MYOM1: variants seen among roughly 807,000 people sequenced by gnomAD.
MYOM1 encodes the protein myomesin 1.
Under a neutral mutation model 205.3 loss-of-function variants are expected in MYOM1, and 164 were observed. That is an observed-to-expected ratio of 0.80 (90% confidence interval 0.70 to 0.91). MYOM1 has a LOEUF of 0.91. MYOM1 is among the 40% of genes least tolerant of loss of function. MYOM1 has a pLI of 0.00. For synonymous variants in MYOM1, 772 were observed against 789.4 expected, an observed-to-expected ratio of 0.98 and a Z score of 0.37; for missense variants, 2,011 against 2,127.3, an observed-to-expected ratio of 0.95 and a Z score of 1.08.
Position 3,189,834 on chromosome 18 carries a change from G to T in MYOM1, c.432-747C>A, listed in dbSNP as rs2080880689. Among the ~76,000 whole-genome samples, 1 of 152,160 alleles carries T rather than the reference G, an allele frequency of 6.6e-6. No homozygotes were observed. The highest frequency in any genetic ancestry group is 6.5e-5 in the Admixed American group (1 of 15,278). The stretch of plus-strand genomic sequence containing the variant: ...TATATTGTCAAATGAGATCTAGTTT[G>T]TGTGCCTGTGACCCTGATACATGAG... On this transcript the variant is annotated intron_variant, in intron 3 of 37. Coordinates refer to ENST00000356443, the MANE Select transcript of MYOM1 (RefSeq NM_003803.4). This position sits in a 1 kb window ranked among gnomAD's most constrained non-coding sequence, Gnocchi z 4.8.
rs1373968733 is a variant in MYOM1, at chr18:3,129,415, T to C, written c.2611A>G (p.Lys871Glu). 2 of 1,613,986 alleles carry C rather than the reference T, an allele frequency of 1.2e-6. No homozygotes were observed. The highest frequency in any genetic ancestry group is 1.3e-5 in the African/African-American group (1 of 75,050). The change falls in exon 18 of 38, where the codon AAA (lysine) becomes GAA (glutamate). Residue 871 changes from lysine to glutamate, a missense_variant. Coordinates refer to ENST00000356443, the MANE Select transcript of MYOM1 (RefSeq NM_003803.4). ...VHEASPPTFQ[K>E]DALLGSKPNK... ...GGTTTGCTGCCAAGCAAAGCATCTT[T>C]CTGGAAGGTTGGCGGGGAGGCTTCA...
At chr18:3,147,596 A>G (rs1484527742) in intron 13 of MYOM1, among the ~76,000 whole-genome samples, 2 of 152,224 alleles carry the variant, frequency 1.3e-5, no homozygotes, top group Non-Finnish European at 1.5e-5. Flanking sequence ...TTATATATGA[A>G]AAAATGAAGC....
chr18:3,228,324 C>A, the MYOM1 span, among the ~76,000 whole-genome samples: 1 of 152,162 alleles, frequency 6.6e-6, no homozygotes, highest in Non-Finnish European at 1.5e-5. The surrounding 1 kb of genome is among the most constrained non-coding windows in gnomAD (Gnocchi z 4.5). Flanking sequence ...AGCGTGTCTG[C>A]CTTTTGCTGT....
intron 20 of MYOM1, among the ~76,000 whole-genome samples, chr18:3,118,182 A>T (rs541336157): frequency 6.6e-6 from 1 of 152,276 alleles, no homozygotes; most frequent in Admixed American, 6.5e-5. Context: ...AAACATTCTT[A>T]TTGCTTTCTT....
chr18:3,136,096 A>G (rs562179332), intron 14 of MYOM1, among the ~76,000 whole-genome samples: 7 of 146,230 alleles, frequency 4.8e-5, no homozygotes, highest in Admixed American at 3.4e-4. Context: ...TTTTATAAGG[A>G]GAAACCTCTT....
intron 8 of MYOM1, among the ~76,000 whole-genome samples, chr18:3,171,108 C>G (rs1235980219): frequency 1.3e-5 from 2 of 152,242 alleles, no homozygotes; most frequent in African/African-American, 4.8e-5. Flanking sequence ...GGCAAAATAA[C>G]TGACCACATT....
At chr18:3,211,739 C>T (rs780254786) in intron 2 of MYOM1, among the ~76,000 whole-genome samples, 4 of 152,192 alleles carry the variant, frequency 2.6e-5, no homozygotes, top group Admixed American at 1.3e-4. Flanking sequence ...CTGATCTGTA[C>T]TGCAAGCGCA....
At chr18:3,076,833 C>A (rs1380641483) in intron 34 of MYOM1, among the ~76,000 whole-genome samples, 3 of 151,736 alleles carry the variant, frequency 2.0e-5, no homozygotes, top group Non-Finnish European at 4.4e-5. Context: ...TCTGCCTCAG[C>A]CTCCTGAGTA....
In MYOM1 at chr18:3,075,718, GACTT is replaced by G. The variant is rs758870863; in HGVS notation, c.4685+3_4685+6del. ...GCAAGTGGCATTTGCTAGGACCAGGGACTTACTTCAACCTCTGGAATTCAGCATA... is the reference window on the plus strand; with the variant it reads ...GCAAGTGGCATTTGCTAGGACCAGGGACTTCAACCTCTGGAATTCAGCATA... On this transcript the variant is annotated splice_donor_5th_base_variant and intron_variant, in intron 35 of 37. Transcript: ENST00000356443. 241 of 1,601,496 alleles carry G rather than the reference GACTT, an allele frequency of 1.5e-4. 1 individual carries two copies. The highest frequency in any genetic ancestry group is 1.9e-4 in the Non-Finnish European group (222 of 1,173,090).
the MYOM1 span, among the ~76,000 whole-genome samples, chr18:3,243,183 GAT>G: frequency 6.6e-6 from 1 of 152,028 alleles, no homozygotes; most frequent in Non-Finnish European, 1.5e-5. Context: ...TTATTATACA[GAT>G]TTATGTAAAC....
At position 3,213,166 on chromosome 18, in the gene MYOM1, T is replaced by C. The variant is rs570226653; in HGVS notation, c.290+1768A>G. 4.7e-4 allele frequency among the ~76,000 whole-genome samples: 72 copies of C among 152,356 alleles called. 1 individual carries two copies. The South Asian group carries it at 0.014, about 30-fold the overall frequency. ...TTCGGAATTTCTGCCTTTGGAAGCA[T>C]GCCTCACTTCTAGTTAAACCGACCA... On this transcript the variant is annotated intron_variant, in intron 2 of 37. Transcript: ENST00000356443.
In MYOM1 at chr18:3,075,771, A is replaced by G; in HGVS notation, c.4649-10T>C. ...TAGGCCTCATCGTATGCTTTAAAAG[A>G]AAAAAGAAAAGTTAGAATTTTCTCA... On this transcript the variant is annotated splice_polypyrimidine_tract_variant and intron_variant, in intron 34 of 37. Coordinates refer to ENST00000356443, the MANE Select transcript of MYOM1 (RefSeq NM_003803.4). 1 of 1,575,384 alleles carries G rather than the reference A, an allele frequency of 6.3e-7. No individual in the cohort carries two copies. The highest frequency in any genetic ancestry group is 1.2e-5 in the South Asian group (1 of 86,244).
chr18:3,124,814 C>T (rs2079755853), intron 19 of MYOM1, among the ~76,000 whole-genome samples: 1 of 152,164 alleles, frequency 6.6e-6, no homozygotes, highest in Non-Finnish European at 1.5e-5. Context: ...ATAGAGAAGG[C>T]ATTTCACCAC....
rs528583565 is a variant in MYOM1 at position 3,212,805 on chromosome 18, C to T, written c.290+2129G>A. 1.1e-3 allele frequency among the ~76,000 whole-genome samples: 172 copies of T among 151,622 alleles called. 7 individuals carry two copies. In the South Asian group the frequency reaches 0.035, roughly 31 times the overall value. On this transcript the variant is annotated intron_variant, in intron 2 of 37. Coordinates refer to ENST00000356443, the MANE Select transcript of MYOM1 (RefSeq NM_003803.4). Reference sequence around the variant, plus strand: ...GGAAACAAATTGAGGCTGTCATATACATATGGTATTAATTCCTCCCAGCTT... The same window carrying T: ...GGAAACAAATTGAGGCTGTCATATATATATGGTATTAATTCCTCCCAGCTT...
chr18:3,139,077 C>T (rs759459581), intron 14 of MYOM1, among the ~76,000 whole-genome samples: 16 of 152,082 alleles, frequency 1.1e-4, no homozygotes, highest in Admixed American at 3.9e-4. Flanking sequence ...CCCAGGAGTT[C>T]GAGATCAGCC....
At chr18:3,102,115 C>T (rs2079386329) in intron 23 of MYOM1, among the ~76,000 whole-genome samples, 1 of 150,786 alleles carries the variant, frequency 6.6e-6, no homozygotes, top group African/African-American at 2.4e-5. Flanking sequence ...CATTCTCCTG[C>T]CTCAGCCTCC....
At chr18:3,207,372 T>C (rs9963226) in intron 2 of MYOM1, among the ~76,000 whole-genome samples, 5,024 of 152,332 alleles carry the variant, frequency 0.033, 234 homozygotes, top group African/African-American at 0.11. Flanking sequence ...CATTATAGTA[T>C]AAAGACACTT....
At chr18:3,074,517 T>G (rs2078998470) in intron 36 of MYOM1, among the ~76,000 whole-genome samples, 1 of 152,182 alleles carries the variant, frequency 6.6e-6, no homozygotes, top group Admixed American at 6.5e-5. Flanking sequence ...TATTATGGAT[T>G]AGTCAGTGAC....
chr18:3,225,753 C>T, the MYOM1 span, among the ~76,000 whole-genome samples: 1 of 152,122 alleles, frequency 6.6e-6, no homozygotes, highest in Non-Finnish European at 1.5e-5. Flanking sequence ...CATGGTTATG[C>T]TGATCCACAC....
Sources: allele counts gnomAD v4.1 joint callset (sites outside exome capture counted in the v4.1 genomes callset), GRCh38; gene constraint gnomAD v4.1.1; non-coding constraint Gnocchi (gnomAD v3.1); transcripts MANE v1.5; gene names NCBI Gene and HGNC (gene_info 2026-07-23, HGNC 2026-07-21).